The following ZNF25 variants were observed in gnomAD, a reference collection of about 807,000 sequenced individuals.
The protein encoded by ZNF25 is zinc finger protein 25.
In ZNF25, 21 loss-of-function variants were observed where a neutral mutation model predicts 30.9. That is an observed-to-expected ratio of 0.68 (90% CI 0.48 to 0.98). The LOEUF is 0.98. Among genes scored for constraint, ZNF25 ranks in the 50% least tolerant of loss-of-function variants. The pLI is 0.00. For missense variants in ZNF25, 501 were observed against 529.9 expected (o/e 0.95, Z 0.54); for synonymous variants, 169 against 181.3 (o/e 0.93, Z 0.55).
At chr10:37,958,291 A>T (rs1219031262) in intron 2 of ZNF25, among the ~76,000 whole-genome samples, 1 of 152,234 alleles carries the variant, frequency 6.6e-6, no homozygotes, top group East Asian at 1.9e-4. Flanking sequence ...TTAGGTGGTC[A>T]AACTGACTAA....
intron 4 of ZNF25, 103 bp downstream of exon 4, chr10:37,956,917 A>AG: frequency 1.9e-6 from 1 of 539,700 alleles, no homozygotes; most frequent in Non-Finnish European, 2.9e-6. Flanking sequence ...CTCTGTTTCA[A>AG]AAAAAAAAAA....
intron 2 of ZNF25, among the ~76,000 whole-genome samples, chr10:37,968,351 CG>C (rs998570891): frequency 1.3e-5 from 2 of 148,648 alleles, no homozygotes; most frequent in Admixed American, 1.4e-4. Context: ...CCACTGCACC[CG>C]GCCAATTTTT....
rs2062096102 is a variant in ZNF25, at chr10:37,950,697, C to G, written c.*1430G>C. ...TAACTCATTTAGACCTCAAAGCAAT[C>G]CTAAGATGTTGTCACTATCACTACT... On this transcript the variant is annotated 3_prime_UTR_variant, in exon 6 of 6. Transcript: ENST00000302609. The G allele has an allele frequency of 6.6e-6, 1 of 152,086 alleles. No homozygotes were observed. The highest frequency in any genetic ancestry group is 2.4e-5 in the African/African-American group (1 of 41,406). 9.4% of individuals were successfully genotyped at this position (152,086 alleles called of 1,614,324 possible).
At chr10:37,970,195 A>C (rs1267241983) in intron 2 of ZNF25, among the ~76,000 whole-genome samples, 5 of 152,200 alleles carry the variant, frequency 3.3e-5, no homozygotes, top group African/African-American at 9.6e-5. Context: ...ATCACTGATC[A>C]ATATTCCTCA....
intron 2 of ZNF25, among the ~76,000 whole-genome samples, chr10:37,962,241 CAAA>C (rs34341090): frequency 2.3e-5 from 2 of 86,430 alleles, no homozygotes; most frequent in Admixed American, 1.3e-4. Context: ...ACTTCCATCT[CAAA>C]AAAAAAAAAA....
In ZNF25 at chr10:37,974,485, CAT is replaced by C. The variant is rs768811420; in HGVS notation, c.-86+2019_-86+2020del. Among the ~76,000 whole-genome samples, 106 of 152,256 alleles carry C rather than the reference CAT, an allele frequency of 7.0e-4. 1 individual carries two copies. The highest frequency in any genetic ancestry group is 1.2e-3 in the Non-Finnish European group (81 of 68,002). On this transcript the variant is annotated intron_variant, in intron 1 of 5. Coordinates refer to ENST00000302609, the MANE Select transcript of ZNF25 (RefSeq NM_145011.4). The stretch of plus-strand genomic sequence containing the variant: ...TGAACAGACATTCCACAATAGAAGA[CAT>C]ACAAATGGCCAATAGGTATACGATA...
chr10:37,954,876 AG>A (rs1440799241), intron 4 of ZNF25, among the ~76,000 whole-genome samples: 4 of 152,152 alleles, frequency 2.6e-5, no homozygotes, highest in African/African-American at 9.6e-5. Flanking sequence ...TGTATAAGCC[AG>A]GAACGGTGGC....
chr10:37,973,646 G>C (rs2063626402), intron 1 of ZNF25, among the ~76,000 whole-genome samples: 1 of 150,684 alleles, frequency 6.6e-6, no homozygotes, highest in Admixed American at 6.6e-5. Context: ...TATTAAAATG[G>C]AAAGATATCC....
chr10:37,958,211 A>G (rs2062647915), intron 2 of ZNF25, among the ~76,000 whole-genome samples: 1 of 152,220 alleles, frequency 6.6e-6, no homozygotes, highest in East Asian at 1.9e-4. Context: ...TTACAGAAAC[A>G]TGTATACAAC....
At position 37,976,565 on chromosome 10, in the gene ZNF25, C is replaced by G. The variant is rs1316242967; in HGVS notation, c.-145G>C. The G allele has an allele frequency of 2.0e-5, 3 of 152,698 alleles. No individual in the cohort carries two copies. The highest frequency in any genetic ancestry group is 7.2e-5 in the African/African-American group (3 of 41,476). The allele number at this position is 152,698 out of a possible 1,614,324, so 9.5% of individuals were successfully genotyped here. On this transcript the variant is annotated 5_prime_UTR_variant, in exon 1 of 6. Coordinates refer to ENST00000302609, the MANE Select transcript of ZNF25 (RefSeq NM_145011.4). ...CGGGCCCAGGCCCCGCCCTTTGCGG[C>G]CCAGCCCAGACCCGGAGGCACCGGA... is the stretch of plus-strand genomic sequence containing the variant.
chr10:37,952,264 G>T lies in ZNF25; in HGVS notation c.1234C>A (p.His412Asn). ...TGTTTTCTCTGATGTATAATAAAATGTGACTTCTGAGAAAAGGACTTCCCA... is the reference window on the plus strand; with the variant it reads ...TGTTTTCTCTGATGTATAATAAAATTTGACTTCTGAGAAAAGGACTTCCCA... The part of the protein sequence containing the change: ...ECGKSFSQKS[H>N]FIIHQRKHTG... Residue 412 changes from histidine (H) to asparagine (N), a missense_variant, in exon 6 of 6, where the codon CAT (histidine) becomes AAT (asparagine). His to Asn is a moderately conservative substitution (Grantham distance 68). Transcript: ENST00000302609. 6.2e-7 allele frequency: 1 copy of T among 1,608,776 alleles called. No homozygotes were observed. Among genetic ancestry groups the T allele is most frequent in the Non-Finnish European group, 8.5e-7 (1 of 1,178,314 alleles).
Position 37,957,074 on chromosome 10 carries a change from G to A in ZNF25, c.184C>T (p.Gln62Ter). Residue 62 changes from glutamine (Q) to a stop codon, truncating the protein, a stop_gained, in exon 4 of 6, where the codon CAA becomes TAA. Coordinates refer to ENST00000302609, the MANE Select transcript of ZNF25 (RefSeq NM_145011.4). LOFTEE classifies it high-confidence loss of function. Reference protein sequence around the residue: ...NKPNAVFKLKQGKEPWILEVE... With the variant: ...NKPNAVFKLK ...TCTAATATCCATGGCTCTTTTCCTT[G>A]CTTCAACTTGAAGACTGCATTTGGC... 1 of 1,614,062 alleles carries A rather than the reference G, an allele frequency of 6.2e-7. No individual in the cohort carries two copies. The highest frequency in any genetic ancestry group is 8.5e-7 in the Non-Finnish European group (1 of 1,180,024).
chr10:37,971,604 T>C (rs2135443569), intron 2 of ZNF25, 104 bp downstream of exon 2: 1 of 1,555,760 alleles, frequency 6.4e-7, no homozygotes, highest in Non-Finnish European at 8.8e-7. Flanking sequence ...ATTTAGTATA[T>C]GGGCTCTCGT....
rs937857676 is a variant in ZNF25, at chr10:37,950,917, C to G, written c.*1210G>C. The G allele has an allele frequency of 8.5e-5, 13 of 152,134 alleles. No individual in the cohort carries two copies. Among genetic ancestry groups the G allele is most frequent in the Non-Finnish European group, 1.8e-4 (12 of 68,038 alleles). The allele number at this position is 152,134 out of a possible 1,614,324, so 9.4% of individuals were successfully genotyped here. A position where few individuals can be genotyped will look rare whatever the true frequency, so the allele number is the denominator to read the frequency against. On this transcript the variant is annotated 3_prime_UTR_variant, in exon 6 of 6. Transcript: ENST00000302609. ...AATGCAGATAGCTCTGCTCCCTGCTCACACATCAACAGTAAGATACATAAT... is the reference window on the plus strand; with the variant it reads ...AATGCAGATAGCTCTGCTCCCTGCTGACACATCAACAGTAAGATACATAAT...
chr10:37,952,804 A>G lies in ZNF25; in HGVS notation c.694T>C (p.Cys232Arg). Residue 232 changes from cysteine (C) to arginine (R), a missense_variant, in exon 6 of 6, where the codon TGT (cysteine) becomes CGT (arginine). Physicochemically the swap from Cys to Arg is radical, Grantham distance 180. Coordinates refer to ENST00000302609, the MANE Select transcript of ZNF25 (RefSeq NM_145011.4). ...TAGAAGAACTTCCCACATTCAGTAC[A>G]TTCAAAAGGTTTCTCCCCTGTGTGT... The part of the protein sequence containing the change: ...KTHTGEKPFE[C>R]TECGKFFYVK... 1.2e-6 allele frequency: 2 copies of G among 1,614,130 alleles called. No homozygotes were observed. The highest frequency in any genetic ancestry group is 1.7e-6 in the Non-Finnish European group (2 of 1,180,012).
intron 2 of ZNF25, among the ~76,000 whole-genome samples, chr10:37,968,652 G>T (rs1203469376): frequency 1.3e-5 from 2 of 152,164 alleles, no homozygotes; most frequent in African/African-American, 2.4e-5. Flanking sequence ...ACTATGCCTG[G>T]CCATAAAATG....
Position 37,949,896 on chromosome 10 carries a change from A to C in ZNF25, c.*2231T>G, listed in dbSNP as rs771046340. ...TAGACAATGTTTATTTCATATGTTTACTGCTACATTCCATCAAGAAATTTC... is the reference window on the plus strand; with the variant it reads ...TAGACAATGTTTATTTCATATGTTTCCTGCTACATTCCATCAAGAAATTTC... On this transcript the variant is annotated 3_prime_UTR_variant, in exon 6 of 6. Coordinates refer to ENST00000302609, the MANE Select transcript of ZNF25 (RefSeq NM_145011.4). 2 of 152,656 alleles carry C rather than the reference A, an allele frequency of 1.3e-5. No individual in the cohort carries two copies. Among genetic ancestry groups the C allele is most frequent in the Non-Finnish European group, 2.9e-5 (2 of 68,034 alleles). The allele number at this position is 152,656 out of a possible 1,614,324, so 9.5% of individuals were successfully genotyped here. A position where few individuals can be genotyped will look rare whatever the true frequency, so the allele number is the denominator to read the frequency against.
At chr10:37,961,623 G>C (rs1457343854) in intron 2 of ZNF25, among the ~76,000 whole-genome samples, 1 of 152,066 alleles carries the variant, frequency 6.6e-6, no homozygotes, top group African/African-American at 2.4e-5. Flanking sequence ...TGGCAAATCA[G>C]ATATAAAAGC....
At position 37,955,406 on chromosome 10, in the gene ZNF25, C is replaced by T. The variant is rs1035542792; in HGVS notation, c.238+1614G>A. On this transcript the variant is annotated intron_variant, in intron 4 of 5. Coordinates refer to ENST00000302609, the MANE Select transcript of ZNF25 (RefSeq NM_145011.4). ...GCAGGCTTCTGGCAATGTACATCTG[C>T]TGCATTACACAACTACTGTGGGAAT... 2.0e-5 allele frequency among the ~76,000 whole-genome samples: 3 copies of T among 152,148 alleles called. No individual in the cohort carries two copies. The South Asian group carries it at 6.2e-4, about 31-fold the overall frequency.
Sources: allele counts gnomAD v4.1 joint callset (sites outside exome capture counted in the v4.1 genomes callset), GRCh38; gene constraint gnomAD v4.1.1; transcripts MANE v1.5; gene names NCBI Gene and HGNC (gene_info 2026-07-23, HGNC 2026-07-21).